Variants in SGCZ observed in about 807,000 individuals in gnomAD.
SGCZ encodes zeta-sarcoglycan.
Under a neutral mutation model 41.3 loss-of-function variants are expected in SGCZ, and 40 were observed. That is an observed-to-expected ratio of 0.97 (90% CI 0.75 to 1.26). The LOEUF (loss-of-function observed/expected upper bound fraction) is 1.26, where lower values mean the gene tolerates loss of function less well. SGCZ is among the 50% of genes most tolerant of loss of function. The pLI is 0.00. For missense variants in SGCZ, 552 were observed against 369.8 expected (o/e 1.49, Z -4.04); for synonymous variants, 206 against 137.5 (o/e 1.50, Z -3.49).
At chr8:14,402,741 C>T (rs1005019125) in intron 2 of SGCZ, among the ~76,000 whole-genome samples, 1 of 146,992 alleles carries the variant, frequency 6.8e-6, no homozygotes, top group Non-Finnish European at 1.5e-5. Context: ...CAGCTTTGTT[C>T]TTTTGGCTTA....
chr8:14,101,665 C>G (rs1192380570), intron 7 of SGCZ, among the ~76,000 whole-genome samples: 2 of 134,018 alleles, frequency 1.5e-5, no homozygotes, highest in Non-Finnish European at 3.5e-5. Context: ...CATTCCTAAA[C>G]AGTAAAACTT....
At chr8:14,994,307 G>C (rs185581995) in intron 1 of SGCZ, among the ~76,000 whole-genome samples, 2 of 152,252 alleles carry the variant, frequency 1.3e-5, no homozygotes, top group African/African-American at 4.8e-5. Flanking sequence ...GAGGGGGCTG[G>C]GCATGGTGGC....
intron 7 of SGCZ, among the ~76,000 whole-genome samples, chr8:14,091,587 AT>A (rs1314296896): frequency 6.6e-6 from 1 of 152,010 alleles, no homozygotes; most frequent in African/African-American, 2.4e-5. Context: ...GATGATGAGC[AT>A]TTTTTCATGT....
At chr8:14,802,602 CAGAG>C (rs886268748) in intron 1 of SGCZ, among the ~76,000 whole-genome samples, 9 of 151,642 alleles carry the variant, frequency 5.9e-5, no homozygotes, top group African/African-American at 1.7e-4. Context: ...CATACAAACA[CAGAG>C]AGAGAGAGAC....
At chr8:14,518,784 G>T (rs1384743514) in intron 2 of SGCZ, among the ~76,000 whole-genome samples, 1 of 149,274 alleles carries the variant, frequency 6.7e-6, no homozygotes, top group Non-Finnish European at 1.5e-5. Context: ...GACAGTCAGA[G>T]AAACAGATAA....
chr8:14,980,789 T>C (rs1327602057), intron 1 of SGCZ, among the ~76,000 whole-genome samples: 3 of 152,186 alleles, frequency 2.0e-5, no homozygotes, highest in African/African-American at 7.2e-5. Context: ...GAAGTACAAT[T>C]CAAGATGAGA....
chr8:14,473,972 T>C (rs987510423), intron 2 of SGCZ, among the ~76,000 whole-genome samples: 4 of 151,338 alleles, frequency 2.6e-5, no homozygotes, highest in African/African-American at 7.3e-5. Context: ...AAAAATAATA[T>C]CTTTAAGTAA....
At chr8:14,899,998 C>T (rs372125108) in intron 1 of SGCZ, among the ~76,000 whole-genome samples, 27 of 152,164 alleles carry the variant, frequency 1.8e-4, no homozygotes, top group African/African-American at 6.5e-4. Flanking sequence ...GTGTTATTCT[C>T]ATTCTCTGAG....
At chr8:14,317,492 A>G (rs1016038902) in intron 3 of SGCZ, among the ~76,000 whole-genome samples, 4 of 152,022 alleles carry the variant, frequency 2.6e-5, no homozygotes, top group African/African-American at 7.2e-5. Context: ...GCCAGATTAT[A>G]TACACAACAC....
At chr8:14,694,383 T>C (rs375680553) in intron 1 of SGCZ, among the ~76,000 whole-genome samples, 44 of 152,360 alleles carry the variant, frequency 2.9e-4, no homozygotes, top group African/African-American at 1.0e-3. Flanking sequence ...CAGATTCTTG[T>C]TGCCATCAAT....
chr8:14,875,461 A>G (rs1431304911), intron 1 of SGCZ, among the ~76,000 whole-genome samples: 1 of 152,164 alleles, frequency 6.6e-6, no homozygotes, highest in Non-Finnish European at 1.5e-5. Flanking sequence ...ATTTATTCAC[A>G]GCTTTGGATA....
chr8:14,784,043 T>C (rs1800672957), intron 1 of SGCZ, among the ~76,000 whole-genome samples: 1 of 132,050 alleles, frequency 7.6e-6, no homozygotes, highest in Non-Finnish European at 1.6e-5. Context: ...AGATTGTAAT[T>C]TAATTTAATG....
rs911534030 is a variant in SGCZ at position 14,464,443 on chromosome 8, T to C, written c.234+90289A>G. On this transcript the variant is annotated intron_variant, in intron 2 of 7. Coordinates refer to ENST00000382080, the MANE Select transcript of SGCZ (RefSeq NM_139167.4). The stretch of plus-strand genomic sequence containing the variant: ...CTTTTTATAACTGTAGAATGGGTAG[T>C]ACTGTCTCCACCCTCAATTCTGATT... Among the ~76,000 whole-genome samples, 7 of 151,392 alleles carry C rather than the reference T, an allele frequency of 4.6e-5. No individual in the cohort carries two copies. The East Asian group carries it at 1.2e-3, about 25-fold the overall frequency.
intron 1 of SGCZ, among the ~76,000 whole-genome samples, chr8:14,921,093 G>C (rs1285901097): frequency 6.6e-6 from 1 of 152,160 alleles, no homozygotes; most frequent in Non-Finnish European, 1.5e-5. Flanking sequence ...AACTATCCCA[G>C]CTTCAGAGCT....
chr8:14,418,562 A>G (rs531597259), intron 2 of SGCZ, among the ~76,000 whole-genome samples: 10 of 151,948 alleles, frequency 6.6e-5, no homozygotes, highest in Admixed American at 6.6e-4. Context: ...GTTTTACCTA[A>G]TATTCTTAAA....
In SGCZ at chr8:14,464,184, G is replaced by T. The variant is rs566206576; in HGVS notation, c.234+90548C>A. 7.2e-5 allele frequency among the ~76,000 whole-genome samples: 11 copies of T among 151,732 alleles called. No individual in the cohort carries two copies. The South Asian group carries it at 2.1e-3, about 29-fold the overall frequency. The stretch of plus-strand genomic sequence containing the variant: ...TTCGACATTTGTTAAAGTTTGAGAA[G>T]AATTGATGTTAGTTATTCTTTAAAT... On this transcript the variant is annotated intron_variant, in intron 2 of 7. Coordinates refer to ENST00000382080, the MANE Select transcript of SGCZ (RefSeq NM_139167.4).
intron 2 of SGCZ, among the ~76,000 whole-genome samples, chr8:14,484,245 A>G (rs934252429): frequency 6.6e-6 from 1 of 152,160 alleles, no homozygotes; most frequent in African/African-American, 2.4e-5. Context: ...TTCCATTTCT[A>G]TCATAGTTTG....
intron 1 of SGCZ, among the ~76,000 whole-genome samples, chr8:14,861,098 C>T (rs183628838): frequency 6.6e-6 from 1 of 152,204 alleles, no homozygotes; most frequent in South Asian, 2.1e-4. Flanking sequence ...TAGATGCGTA[C>T]GAGGTGAATG....
At chr8:14,951,324 A>G (rs1053668180) in intron 1 of SGCZ, among the ~76,000 whole-genome samples, 1 of 151,998 alleles carries the variant, frequency 6.6e-6, no homozygotes, top group South Asian at 2.1e-4. Flanking sequence ...TTATTTTCCT[A>G]TATTTTTCTT....
Sources: gnomAD v4.1 joint callset for allele counts (sites outside exome capture counted in the v4.1 genomes callset) on GRCh38, gnomAD v4.1.1 for gene constraint, MANE v1.5 for transcripts, NCBI Gene and HGNC (gene_info 2026-07-23, HGNC 2026-07-21) for gene names.